HACE1: variants seen among roughly 807,000 people sequenced by gnomAD.
HACE1 encodes E3 ubiquitin-protein ligase HACE1.
In HACE1, 73 loss-of-function variants were observed where a neutral mutation model predicts 118.4. The observed-to-expected ratio is 0.62, with a 90% confidence interval of 0.51 to 0.75. The LOEUF (loss-of-function observed/expected upper bound fraction) is 0.75. Among genes scored for constraint, HACE1 ranks in the 30% least tolerant of loss-of-function variants. HACE1 has a pLI of 0.00. For missense variants in HACE1, 749 were observed against 1,102.2 expected, an observed-to-expected ratio of 0.68 and a Z score of 4.54; for synonymous variants, 368 against 374.8, an observed-to-expected ratio of 0.98 and a Z score of 0.21.
chr6:104,743,307 TATA>T (rs1205997520), intron 22 of HACE1, among the ~76,000 whole-genome samples: 3 of 149,030 alleles, frequency 2.0e-5, no homozygotes, highest in Non-Finnish European at 4.5e-5. Flanking sequence ...AAACTTAAAG[TATA>T]ATAATAAAAA....
At position 104,755,966 on chromosome 6, in the gene HACE1, C is replaced by A. The variant is rs181020276; in HGVS notation, c.2212-5494G>T. ...TGAAGAAGACAGAGACACAAAACAA[C>A]CCTTCAAAAAATTCAATGAATCCAG... On this transcript the variant is annotated intron_variant, in intron 19 of 23. Coordinates refer to ENST00000262903, the MANE Select transcript of HACE1 (RefSeq NM_020771.4). 3.5e-3 allele frequency among the ~76,000 whole-genome samples: 528 copies of A among 152,186 alleles called. 1 individual carries two copies. Among genetic ancestry groups the A allele is most frequent in the African/African-American group, 0.012 (481 of 41,520 alleles).
intron 14 of HACE1, among the ~76,000 whole-genome samples, chr6:104,778,183 G>A (rs1181758137): frequency 6.6e-6 from 1 of 152,130 alleles, no homozygotes; most frequent in Non-Finnish European, 1.5e-5. Context: ...GAATAGCAAA[G>A]AGAGTCTCTC....
chr6:104,759,915 A>G (rs1779148112), intron 19 of HACE1, among the ~76,000 whole-genome samples: 1 of 152,242 alleles, frequency 6.6e-6, no homozygotes, highest in South Asian at 2.1e-4. Context: ...AGAATACTAT[A>G]AACATCTCTA....
At chr6:104,749,498 C>T (rs542166366) in intron 20 of HACE1, among the ~76,000 whole-genome samples, 4 of 151,958 alleles carry the variant, frequency 2.6e-5, no homozygotes, top group African/African-American at 4.8e-5. Context: ...GGTATATATC[C>T]GTATCTGTAT....
intron 19 of HACE1, among the ~76,000 whole-genome samples, chr6:104,764,823 A>C (rs1436718389): frequency 2.6e-5 from 4 of 152,158 alleles, no homozygotes; most frequent in African/African-American, 7.2e-5. Flanking sequence ...CATTTCTTTC[A>C]CTTGACATAC....
intron 6 of HACE1, among the ~76,000 whole-genome samples, chr6:104,815,791 G>A (rs1206087807): frequency 7.2e-6 from 1 of 138,450 alleles, no homozygotes; most frequent in Non-Finnish European, 1.6e-5. Flanking sequence ...GGAAACAGAG[G>A]GCCAGGCACA....
At chr6:104,794,109 T>C (rs1783361511) in intron 10 of HACE1, among the ~76,000 whole-genome samples, 1 of 152,194 alleles carries the variant, frequency 6.6e-6, no homozygotes, top group South Asian at 2.1e-4. Context: ...TTTATTAGCT[T>C]GGCAAATCAT....
chr6:104,833,708 C>T (rs575004159), intron 5 of HACE1, among the ~76,000 whole-genome samples: 2 of 152,196 alleles, frequency 1.3e-5, no homozygotes, highest in East Asian at 1.9e-4. Context: ...GCTGGGCAGC[C>T]GGGCACGGTA....
At chr6:104,756,285 GCCTGTAGTCTCA>G (rs893554843) in intron 19 of HACE1, among the ~76,000 whole-genome samples, 3 of 151,606 alleles carry the variant, frequency 2.0e-5, no homozygotes, top group Non-Finnish European at 4.4e-5. Flanking sequence ...GGTGGTGCAT[GCCTGTAGTCTCA>G]GCTACTCAGG....
intron 19 of HACE1, among the ~76,000 whole-genome samples, chr6:104,767,442 C>T (rs1780133203): frequency 6.6e-6 from 1 of 152,144 alleles, no homozygotes; most frequent in African/African-American, 2.4e-5. Flanking sequence ...AACCAAAATG[C>T]CACAGCCTCC....
At chr6:104,738,251 A>T (rs1412225028) in intron 22 of HACE1, among the ~76,000 whole-genome samples, 1 of 152,260 alleles carries the variant, frequency 6.6e-6, no homozygotes. Context: ...AACTCTAAAA[A>T]GCAGAGTGCC....
chr6:104,789,463 A>G (rs1208738071), intron 11 of HACE1, among the ~76,000 whole-genome samples: 1 of 152,072 alleles, frequency 6.6e-6, no homozygotes. Flanking sequence ...TATATTATAT[A>G]TATCATAGAC....
At chr6:104,736,574 G>C (rs375171828) in intron 22 of HACE1, among the ~76,000 whole-genome samples, 1 of 152,250 alleles carries the variant, frequency 6.6e-6, no homozygotes, top group East Asian at 1.9e-4. Context: ...TACTATAAAT[G>C]TCTTATCTTT....
intron 7 of HACE1, among the ~76,000 whole-genome samples, chr6:104,797,269 C>T (rs1397904890): frequency 6.6e-6 from 1 of 151,034 alleles, no homozygotes; most frequent in East Asian, 1.9e-4. Flanking sequence ...TAAAATAAGT[C>T]ATAATATTTT....
intron 2 of HACE1, among the ~76,000 whole-genome samples, chr6:104,851,847 C>CCCT (rs1427298113): frequency 6.6e-6 from 1 of 152,048 alleles, no homozygotes; most frequent in Admixed American, 6.6e-5. Flanking sequence ...TGTAAAGACC[C>CCCT]CCTCACAAAG....
chr6:104,733,949 T>C (rs1415252281), intron 22 of HACE1, among the ~76,000 whole-genome samples: 1 of 151,370 alleles, frequency 6.6e-6, no homozygotes, highest in Non-Finnish European at 1.5e-5. Context: ...GGTCAGGAGA[T>C]CGAGACCAGC....
chr6:104,744,076 T>G (rs1777131676), intron 22 of HACE1, 84 bp downstream of exon 22: 1 of 833,488 alleles, frequency 1.2e-6, no homozygotes, highest in East Asian at 2.4e-5. Flanking sequence ...TTCAGAGTAA[T>G]AATTCCTTAT....
In HACE1 at chr6:104,822,203, T is replaced by TAAA. The variant is rs58454908; in HGVS notation, c.535-10813_535-10811dup. 9.6e-4 allele frequency among the ~76,000 whole-genome samples: 99 copies of TAAA among 102,938 alleles called. 4 individuals are homozygous for TAAA. The highest frequency in any genetic ancestry group is 3.7e-3 in the African/African-American group (91 of 24,516). 67.5% of individuals were successfully genotyped at this position (102,938 alleles called of 152,430 possible). ...CAACACGGTGAAACCCCGTCTCTAC[T>TAAA]AAAAAAAAAAAAAAAAAAAATACAA... is the stretch of plus-strand genomic sequence containing the variant. On this transcript the variant is annotated intron_variant, in intron 6 of 23. Transcript: ENST00000262903.
chr6:104,773,889 A>G (rs1455593032), intron 17 of HACE1, among the ~76,000 whole-genome samples: 1 of 151,938 alleles, frequency 6.6e-6, no homozygotes, highest in East Asian at 1.9e-4. Context: ...CAAAAAATAT[A>G]TATAGCTGTG....
Sources: gnomAD v4.1 joint callset for allele counts (sites outside exome capture counted in the v4.1 genomes callset) on GRCh38, gnomAD v4.1.1 for gene constraint, MANE v1.5 for transcripts, NCBI Gene and HGNC (gene_info 2026-07-23, HGNC 2026-07-21) for gene names.